STK32C: variants seen among roughly 807,000 people sequenced by gnomAD.
STK32C encodes the protein serine/threonine-protein kinase 32C.
Under a neutral mutation model 56.5 loss-of-function variants are expected in STK32C, and 31 were observed. The ratio of observed to expected loss-of-function variants is 0.55; its 90% confidence interval spans 0.41 to 0.74. STK32C has a LOEUF of 0.74. STK32C is among the 30% of genes least tolerant of loss of function. The pLI, the probability that STK32C is intolerant of heterozygous loss-of-function variation, is 0.00. For synonymous variants in STK32C, 309 were observed against 289.4 expected (o/e 1.07, Z -0.69); for missense variants, 544 against 676.9 (o/e 0.80, Z 2.18).
At chr10:132,246,444 C>T (rs576603634) in intron 1 of STK32C, among the ~76,000 whole-genome samples, 2 of 152,306 alleles carry the variant, frequency 1.3e-5, no homozygotes, top group South Asian at 2.1e-4. Flanking sequence ...TGCTGGCACT[C>T]ACTGGGCAAG....
chr10:132,330,264 T>G, intron 1 of STK32C: 1 of 572,496 alleles, frequency 1.7e-6, no homozygotes, highest in Non-Finnish European at 3.2e-6. Context: ...GAGGCAACAA[T>G]AACAAGCAAG....
intron 1 of STK32C, 59 bp from the exon 2 acceptor site, chr10:132,246,014 A>C: frequency 7.2e-6 from 11 of 1,533,604 alleles, no homozygotes; most frequent in Non-Finnish European, 9.0e-6. Flanking sequence ...ACCCCAGAGC[A>C]GCTCCCCCAC....
chr10:132,249,042 CCGACTGTGCG>C (rs1283834379), intron 1 of STK32C: 2 of 474,524 alleles, frequency 4.2e-6, no homozygotes, highest in Non-Finnish European at 8.4e-6. Context: ...GCAAAGCCTC[CCGACTGTGCG>C]ACGGAGGCGG....
chr10:132,258,127 G>C (rs2064187563), intron 1 of STK32C, among the ~76,000 whole-genome samples: 1 of 152,236 alleles, frequency 6.6e-6, no homozygotes, highest in Non-Finnish European at 1.5e-5. Context: ...GCAACAGCAA[G>C]TGTCCCAGCC....
At chr10:132,233,065 A>G (rs1005972572) in intron 2 of STK32C, among the ~76,000 whole-genome samples, 48 of 152,152 alleles carry the variant, frequency 3.2e-4, no homozygotes, top group Non-Finnish European at 1.5e-5. Context: ...TGGTGTCCCA[A>G]GGAGAAGTAG....
chr10:132,306,405 A>C (rs2138401828), intron 1 of STK32C, among the ~76,000 whole-genome samples: 1 of 152,370 alleles, frequency 6.6e-6, no homozygotes, highest in East Asian at 1.9e-4. Context: ...CCCGAAGTTC[A>C]GGACACAGTG....
chr10:132,208,684 G>A (rs2062185375), intron 11 of STK32C, among the ~76,000 whole-genome samples: 1 of 152,144 alleles, frequency 6.6e-6, no homozygotes, highest in South Asian at 2.1e-4. Context: ...TGTCCCCTGG[G>A]GCCTGACATT....
intron 1 of STK32C, among the ~76,000 whole-genome samples, chr10:132,262,765 A>AC (rs1416440976): frequency 2.0e-5 from 3 of 151,814 alleles, no homozygotes; most frequent in African/African-American, 7.2e-5. Flanking sequence ...AAAAAAAAAA[A>AC]AAAAAAAACA....
chr10:132,257,132 C>A (rs552772034), intron 1 of STK32C, among the ~76,000 whole-genome samples: 1 of 152,258 alleles, frequency 6.6e-6, no homozygotes, highest in East Asian at 1.9e-4. Flanking sequence ...TGGGGGCTGC[C>A]CATGAGGCTG....
At chr10:132,219,973 C>A (rs544353761) in intron 10 of STK32C, among the ~76,000 whole-genome samples, 1 of 152,098 alleles carries the variant, frequency 6.6e-6, no homozygotes, top group Non-Finnish European at 1.5e-5. Context: ...GGGTCATCAC[C>A]GTCACCCTGA....
chr10:132,265,902 A>G (rs530896696), intron 1 of STK32C, among the ~76,000 whole-genome samples: 8 of 152,158 alleles, frequency 5.3e-5, no homozygotes, highest in Non-Finnish European at 1.2e-4. Flanking sequence ...GCTAGGGGTT[A>G]GGGGGTGCCG....
At chr10:132,242,632 A>G (rs979259013) in intron 2 of STK32C, among the ~76,000 whole-genome samples, 5 of 151,976 alleles carry the variant, frequency 3.3e-5, no homozygotes, top group African/African-American at 9.7e-5. Context: ...AGTCTCCCCA[A>G]AAGCTGTGTG....
At chr10:132,306,641 G>C (rs1379876874) in intron 1 of STK32C, among the ~76,000 whole-genome samples, 2 of 152,244 alleles carry the variant, frequency 1.3e-5, no homozygotes, top group Admixed American at 6.5e-5. Flanking sequence ...CTAAAATTTT[G>C]AAGGATCCAT....
intron 1 of STK32C, among the ~76,000 whole-genome samples, chr10:132,273,195 T>C (rs963480398): frequency 6.6e-6 from 1 of 152,180 alleles, no homozygotes; most frequent in Non-Finnish European, 1.5e-5. Flanking sequence ...CTGCTTTGAA[T>C]AGGCTGACGG....
At chr10:132,210,688 G>A (rs1000684605) in intron 10 of STK32C, among the ~76,000 whole-genome samples, 9 of 152,224 alleles carry the variant, frequency 5.9e-5, no homozygotes, top group East Asian at 1.9e-4. Context: ...ACACTCGGAC[G>A]TGCCCGCCAA....
chr10:132,238,845 A>G (rs944620143), intron 2 of STK32C, among the ~76,000 whole-genome samples: 1 of 152,102 alleles, frequency 6.6e-6, no homozygotes, highest in African/African-American at 2.4e-5. Context: ...CACGCAACAC[A>G]CAGACATGCA....
At chr10:132,268,157 G>T (rs534479878) in intron 1 of STK32C, among the ~76,000 whole-genome samples, 3 of 149,360 alleles carry the variant, frequency 2.0e-5, no homozygotes, top group African/African-American at 7.4e-5. Flanking sequence ...GTGTGTGTGT[G>T]TCGGTGTGTG....
At chr10:132,240,493 G>A (rs1326071164) in intron 2 of STK32C, among the ~76,000 whole-genome samples, 1 of 152,202 alleles carries the variant, frequency 6.6e-6, no homozygotes, top group Non-Finnish European at 1.5e-5. Context: ...TGGAGCTGGG[G>A]AGCCCGGCCA....
intron 1 of STK32C, among the ~76,000 whole-genome samples, chr10:132,288,800 AAAG>A (rs1341422172): frequency 2.6e-5 from 4 of 152,260 alleles, no homozygotes; most frequent in African/African-American, 9.6e-5. Flanking sequence ...GAGAGAAATT[AAAG>A]AAGACCTCAA....
Sources: allele counts gnomAD v4.1 joint callset (sites outside exome capture counted in the v4.1 genomes callset), GRCh38; gene constraint gnomAD v4.1.1; transcripts MANE v1.5; gene names NCBI Gene and HGNC (gene_info 2026-07-23, HGNC 2026-07-21).